Variants in PRSS3 observed in about 807,000 individuals in gnomAD.
PRSS3 encodes trypsin-3.
Under a neutral mutation model 20.8 loss-of-function variants are expected in PRSS3, and 14 were observed. The ratio of observed to expected loss-of-function variants is 0.67; its 90% CI spans 0.44 to 1.05. The LOEUF is 1.05. Among genes scored for constraint, PRSS3 ranks in the 50% least tolerant of loss-of-function variants. PRSS3 has a pLI of 0.00. For synonymous variants in PRSS3, 91 were observed against 117.6 expected (o/e 0.77, Z 1.46); for missense variants, 237 against 306.4 (o/e 0.77, Z 1.69).
upstream of PRSS3, among the ~76,000 whole-genome samples, chr9:33,792,923 G>C (rs781204188): frequency 2.0e-5 from 3 of 152,230 alleles, no homozygotes; most frequent in Non-Finnish European, 4.4e-5. Flanking sequence ...CTCTAGTTCA[G>C]GATGAAGAGT....
At chr9:33,756,628 C>T (rs2118754145) in intron 1 of PRSS3, among the ~76,000 whole-genome samples, 1 of 152,056 alleles carries the variant, frequency 6.6e-6, no homozygotes, top group South Asian at 2.1e-4. Context: ...ATAAATCTTC[C>T]AACACTGCTA....
At chr9:33,754,873 A>C (rs1332340193) in intron 1 of PRSS3, among the ~76,000 whole-genome samples, 4 of 152,234 alleles carry the variant, frequency 2.6e-5, no homozygotes, top group Non-Finnish European at 4.4e-5. Context: ...TTTGTTAATA[A>C]GGCAGGGGGG....
chr9:33,792,720 A>G (rs1240521471), upstream of PRSS3, among the ~76,000 whole-genome samples: 2 of 152,210 alleles, frequency 1.3e-5, no homozygotes, highest in Non-Finnish European at 2.9e-5. Flanking sequence ...AAAATGGGCA[A>G]TCGCATAAGT....
chr9:33,795,363 A>G (rs1346398331), upstream of PRSS3, among the ~76,000 whole-genome samples: 4 of 152,232 alleles, frequency 2.6e-5, no homozygotes, highest in Non-Finnish European at 5.9e-5. Context: ...CTCTGCTCTC[A>G]GAAGGCAAGT....
upstream of PRSS3, among the ~76,000 whole-genome samples, chr9:33,791,870 A>C (rs543368062): frequency 2.8e-4 from 42 of 152,334 alleles, no homozygotes; most frequent in African/African-American, 7.9e-4. Context: ...CCCTCCGGGC[A>C]TAAAACTTGC....
chr9:33,794,931 A>G, upstream of PRSS3: 3 of 1,536,602 alleles, frequency 2.0e-6, no homozygotes, highest in Non-Finnish European at 2.6e-6. Flanking sequence ...CATCCTTTTA[A>G]GCCTTGGTAG....
At chr9:33,785,710 C>T (rs207470206) in intron 1 of PRSS3, among the ~76,000 whole-genome samples, 4 of 152,068 alleles carry the variant, frequency 2.6e-5, no homozygotes, top group Admixed American at 6.6e-5. Context: ...TTGAGCCTAA[C>T]GTGCAAGAAG....
intron 1 of PRSS3, among the ~76,000 whole-genome samples, chr9:33,771,637 G>GTTTTTTTTTTTT (rs1183738501): frequency 1.7e-4 from 15 of 87,918 alleles, no homozygotes; most frequent in Non-Finnish European, 2.9e-4. Context: ...TTGTTTTTTT[G>GTTTTTTTTTTTT]TTTTTTTGTT....
intron 1 of PRSS3, among the ~76,000 whole-genome samples, chr9:33,790,007 G>A (rs529666611): frequency 6.6e-6 from 1 of 152,114 alleles, no homozygotes; most frequent in Non-Finnish European, 1.5e-5. Context: ...AAAGCACACA[G>A]AGACAAAATA....
rs12345076 is a variant in PRSS3, at chr9:33,772,616, G to A, written c.-53+21889G>A. ...TCTTGTCGCTCTTCTTGCTTGTCTCGCCAACATCTCATGAAAAACCTTCTA... is the reference window on the plus strand; with the variant it reads ...TCTTGTCGCTCTTCTTGCTTGTCTCACCAACATCTCATGAAAAACCTTCTA... On this transcript the variant is annotated intron_variant, in intron 1 of 5. Coordinates refer to the PRSS3 transcript ENST00000342836. Among the ~76,000 whole-genome samples the A allele has an allele frequency of 3.6e-3, 541 of 151,856 alleles. 2 individuals carry two copies. Among genetic ancestry groups the A allele is most frequent in the African/African-American group, 0.012 (495 of 41,354 alleles).
upstream of PRSS3, among the ~76,000 whole-genome samples, chr9:33,794,519 C>G (rs1290663997): frequency 6.6e-6 from 1 of 152,198 alleles, no homozygotes; most frequent in Non-Finnish European, 1.5e-5. Flanking sequence ...AATCTCACTG[C>G]ATCTAAAATA....
At chr9:33,782,384 A>T (rs1587388534) in intron 1 of PRSS3, among the ~76,000 whole-genome samples, 1 of 152,162 alleles carries the variant, frequency 6.6e-6, no homozygotes, top group East Asian at 1.9e-4. Context: ...GGTGCAATAT[A>T]CCCATGTAAC....
chr9:33,759,657 A>G (rs1170620859), intron 1 of PRSS3, among the ~76,000 whole-genome samples: 1 of 152,180 alleles, frequency 6.6e-6, no homozygotes, highest in Non-Finnish European at 1.5e-5. Context: ...TGTCTAAGAA[A>G]CATCTGTATG....
chr9:33,787,967 C>T lies in PRSS3; in HGVS notation c.-52-6779C>T, dbSNP rs114706412. On this transcript the variant is annotated intron_variant, in intron 1 of 5. Transcript: ENST00000342836. ...TCCCACTAGGCTCAGGAAAGCTGTC[C>T]AGGGTGGATGAAATCTTGTCTGTGC... is the stretch of plus-strand genomic sequence containing the variant. 1.6e-3 allele frequency among the ~76,000 whole-genome samples: 244 copies of T among 152,290 alleles called. 1 individual carries two copies. Among genetic ancestry groups the T allele is most frequent in the African/African-American group, 5.6e-3 (234 of 41,558 alleles).
chr9:33,766,489 C>T (rs1387467966), intron 1 of PRSS3, among the ~76,000 whole-genome samples: 4 of 152,004 alleles, frequency 2.6e-5, no homozygotes, highest in African/African-American at 9.7e-5. Flanking sequence ...AGGAGAATGG[C>T]GTGAACCGGG....
At chr9:33,795,305 CCT>C (rs766612247), upstream of PRSS3, among the ~76,000 whole-genome samples, 5 of 152,230 alleles carry the variant, frequency 3.3e-5, no homozygotes, top group South Asian at 8.3e-4. Flanking sequence ...ATTGGTTTCC[CCT>C]GTCTTCCCCA....
chr9:33,763,654 G>A (rs1295613430), intron 1 of PRSS3, among the ~76,000 whole-genome samples: 5 of 147,580 alleles, frequency 3.4e-5, no homozygotes, highest in Admixed American at 6.9e-5. Flanking sequence ...AGCAGAAATC[G>A]CGCCACTGCA....
upstream of PRSS3, among the ~76,000 whole-genome samples, chr9:33,794,111 G>A (rs1308301751): frequency 2.0e-5 from 3 of 152,214 alleles, no homozygotes; most frequent in Non-Finnish European, 4.4e-5. Context: ...CCCCACATTC[G>A]CATTTTTTCC....
chr9:33,798,147 C>T lies in PRSS3; in HGVS notation c.454+65C>T, dbSNP rs537233884. ...CACAATTTCCAGAACGAAGCATGCC[C>T]CTTTATTTGAATCCTCTTGCCTCCC... On this transcript the variant is annotated intron_variant, in intron 3 of 4. Transcript: ENST00000379405. 9.2e-5 allele frequency: 127 copies of T among 1,382,914 alleles called. No homozygotes were observed. The South Asian group carries it at 1.5e-3, about 16-fold the overall frequency. 85.7% of individuals were successfully genotyped at this position (1,382,914 alleles called of 1,614,324 possible). A position where few individuals can be genotyped will look rare whatever the true frequency, so the allele number is the denominator to read the frequency against.
Sources: allele counts gnomAD v4.1 joint callset (sites outside exome capture counted in the v4.1 genomes callset), GRCh38; gene constraint gnomAD v4.1.1; transcripts MANE v1.5; gene names NCBI Gene and HGNC (gene_info 2026-07-23, HGNC 2026-07-21).